Variants in ESS2 observed in about 807,000 individuals in gnomAD.
ESS2 encodes the protein ess-2 spliceosome associated protein.
Under a neutral mutation model 52.0 loss-of-function variants are expected in ESS2, and 31 were observed. The ratio of observed to expected loss-of-function variants is 0.60; its 90% CI spans 0.45 to 0.81. ESS2 has a LOEUF of 0.81. Among genes scored for constraint, ESS2 ranks in the 30% least tolerant of loss-of-function variants. The pLI, the probability that ESS2 is intolerant of heterozygous loss-of-function variation, is 0.00. For synonymous variants in ESS2, 285 were observed against 259.2 expected (o/e 1.10, Z -0.95); for missense variants, 602 against 637.2 (o/e 0.94, Z 0.59).
chr22:19,137,775 C>T, intron 7 of ESS2: 2 of 985,416 alleles, frequency 2.0e-6, no homozygotes, highest in Non-Finnish European at 2.4e-6. Context: ...TTCACATGCC[C>T]TGGCGTGTGA....
intron 3 of ESS2, among the ~76,000 whole-genome samples, chr22:19,141,097 C>T (rs1601361495): frequency 7.3e-6 from 1 of 136,360 alleles, no homozygotes; most frequent in Non-Finnish European, 1.6e-5. Flanking sequence ...GCCTGGGCAA[C>T]ATAATGAAAC....
chr22:19,137,248 C>A, intron 8 of ESS2, 75 bp downstream of exon 8: 1 of 1,124,934 alleles, frequency 8.9e-7, no homozygotes, highest in Non-Finnish European at 1.3e-6. Flanking sequence ...AGTGCTCAGT[C>A]CTGAGCCACA....
Position 19,139,737 on chromosome 22 carries a change from C to A in ESS2, c.571-8G>T, listed in dbSNP as rs1379089719. On this transcript the variant is annotated splice_region_variant and splice_polypyrimidine_tract_variant and intron_variant, in intron 4 of 9. Transcript: ENST00000252137. ...GAGATTATCTTTCTGCCTCTGCAAT[C>A]ACATGGGGAAAAGTGATGGTCAGAG... 1 of 1,614,190 alleles carries A rather than the reference C, an allele frequency of 6.2e-7. No homozygotes were observed. The highest frequency in any genetic ancestry group is 2.2e-5 in the East Asian group (1 of 44,890).
chr22:19,139,170 G>A lies in ESS2; in HGVS notation c.811C>T (p.Leu271Phe), dbSNP rs770800622. 9 of 1,597,964 alleles carry A rather than the reference G, an allele frequency of 5.6e-6. No homozygotes were observed. The Admixed American group carries it at 1.4e-4, about 25-fold the overall frequency. Residue 271 changes from leucine to phenylalanine, a missense_variant, in exon 6 of 10, where the codon CTC becomes TTC. Leu to Phe is a conservative substitution (Grantham distance 22). Transcript: ENST00000252137. ...ACCCGCCTGCTCACCTGGGCATTGA[G>A]GGCGGCTGCCTGCTGGAGCTGGCAC... is the stretch of plus-strand genomic sequence containing the variant. ...SRCQLQQAAALNAQHKQGKVG... is the reference protein window; with the variant it reads ...SRCQLQQAAAFNAQHKQGKVG...
chr22:19,130,549 C>T lies in ESS2; in HGVS notation c.*3647G>A, dbSNP rs948830609. On this transcript the variant is annotated 3_prime_UTR_variant, in exon 10 of 10. Transcript: ENST00000252137. ...TACTGTGGTACCGGAGTGATTATTT[C>T]GATTGTATCTCCTTTACAGCTTGGT... 1 of 430,870 alleles carries T rather than the reference C, an allele frequency of 2.3e-6. No individual in the cohort carries two copies. The highest frequency in any genetic ancestry group is 4.5e-6 in the Non-Finnish European group (1 of 221,018). The allele number at this position is 430,870 out of a possible 1,614,324, so 26.7% of individuals were successfully genotyped here. A position where few individuals can be genotyped will look rare whatever the true frequency, so the allele number is the denominator to read the frequency against.
Position 19,138,306 on chromosome 22 carries a change from G to T in ESS2, c.834C>A (p.Gly278=). The T allele has an allele frequency of 6.2e-7, 1 of 1,613,838 alleles. No homozygotes were observed. The highest frequency in any genetic ancestry group is 1.7e-4 in the Middle Eastern group (1 of 6,058). The change falls in exon 7 of 10, where the codon GGC becomes GGA. Residue 278 remains glycine (G), a synonymous_variant. Coordinates refer to ENST00000252137, the MANE Select transcript of ESS2 (RefSeq NM_022719.3). ...AAALNAQHKQ[G]KVGPDGKELI... is the part of the protein sequence containing the mutation. ...GCTCCTTGCCATCGGGGCCCACCTT[G>T]CCCTGTTTGTGCTGGAACAAGCAGA...
chr22:19,143,558 T>C (rs1419182171), intron 1 of ESS2, among the ~76,000 whole-genome samples: 2 of 152,170 alleles, frequency 1.3e-5, no homozygotes, highest in East Asian at 3.9e-4. Flanking sequence ...CTATTTCCAA[T>C]CTAAACCTTT....
At position 19,131,049 on chromosome 22, in the gene ESS2, T is replaced by C; in HGVS notation, c.*3147A>G. ...GACGTGGGCCGCCTCCCCTCCAGCT[T>C]GACTTGTGACAGGGAAACCAATGCA... On this transcript the variant is annotated 3_prime_UTR_variant, in exon 10 of 10. Coordinates refer to ENST00000252137, the MANE Select transcript of ESS2 (RefSeq NM_022719.3). The surrounding 1 kb of genome is among the most constrained non-coding windows in gnomAD (Gnocchi z 5.7). 1 of 255,824 alleles carries C rather than the reference T, an allele frequency of 3.9e-6. No homozygotes were observed. The highest frequency in any genetic ancestry group is 6.9e-5 in the South Asian group (1 of 14,456). 15.8% of individuals were successfully genotyped at this position (255,824 alleles called of 1,614,324 possible).
At chr22:19,135,223 C>T (rs1421607837) in intron 8 of ESS2, 48 bp from the exon 9 acceptor site, 1 of 1,485,680 alleles carries the variant, frequency 6.7e-7, no homozygotes, top group Admixed American at 1.7e-5. Context: ...CTGCCACACG[C>T]CAGGCAGCCC....
At chr22:19,139,528 A>T in intron 5 of ESS2, 84 bp downstream of exon 5, 1 of 1,400,724 alleles carries the variant, frequency 7.1e-7, no homozygotes, top group Admixed American at 1.7e-5. Context: ...GGCCATACAC[A>T]CCTGGAAGGC....
At chr22:19,141,239 C>G (rs2083681174) in intron 3 of ESS2, among the ~76,000 whole-genome samples, 1 of 152,068 alleles carries the variant, frequency 6.6e-6, no homozygotes. Flanking sequence ...GCCGAAAAAG[C>G]TGGATTGTAA....
Position 19,142,769 on chromosome 22 carries a change from A to C in ESS2, c.261T>G (p.Phe87Leu). The C allele has an allele frequency of 6.2e-7, 1 of 1,614,192 alleles. No individual in the cohort carries two copies. Among genetic ancestry groups the C allele is most frequent in the Non-Finnish European group, 8.5e-7 (1 of 1,180,036 alleles). ...LERMRQIAIK[F>L]GSALGKMSRE... ...GGGACATCTTGCCCAAGGCAGAGCCAAACTTGATGGCAATCTGGCGCATCC... is the reference window on the plus strand; with the variant it reads ...GGGACATCTTGCCCAAGGCAGAGCCCAACTTGATGGCAATCTGGCGCATCC... The change falls in exon 2 of 10, where the codon TTT becomes TTG. Residue 87 changes from phenylalanine to leucine, a missense_variant. Physicochemically the swap from Phe to Leu is conservative, Grantham distance 22. Transcript: ENST00000252137.
At chr22:19,134,528 C>T (rs887050574) in intron 9 of ESS2, 53 bp from the exon 10 acceptor site, 117 of 1,468,104 alleles carry the variant, frequency 8.0e-5, no homozygotes, top group African/African-American at 3.9e-4. Context: ...TGAGAGCTGC[C>T]GGCAGCAGGG....
In ESS2 at chr22:19,139,668, G is replaced by T. The variant is rs757472646; in HGVS notation, c.632C>A (p.Ala211Asp). ...CTTGTACTTCCAGGTCTCCACACTG[G>T]CCTGGCTGCTCTCGATGGCCTGGTG... Reference protein sequence around the residue: ...AEHQAIESSQASVETWKYKAK... With the variant: ...AEHQAIESSQDSVETWKYKAK... Residue 211 changes from alanine to aspartate, a missense_variant, in exon 5 of 10, where the codon GCC becomes GAC. By Grantham distance (126) the Ala-to-Asp change is moderately radical (BLOSUM62 -2). Transcript: ENST00000252137. 45 of 1,614,066 alleles carry T rather than the reference G, an allele frequency of 2.8e-5. No individual in the cohort carries two copies. Among genetic ancestry groups the T allele is most frequent in the Non-Finnish European group, 3.8e-5 (45 of 1,180,042 alleles).
chr22:19,136,243 T>G (rs749188683), intron 8 of ESS2, among the ~76,000 whole-genome samples: 5 of 145,774 alleles, frequency 3.4e-5, no homozygotes, highest in Non-Finnish European at 7.4e-5. Context: ...GCGCCTGTAG[T>G]CCCAGTTACT....
chr22:19,137,468 A>AG, intron 7 of ESS2, 36 bp from the exon 8 acceptor site: 2 of 1,498,576 alleles, frequency 1.3e-6, no homozygotes, highest in Non-Finnish European at 1.8e-6. Context: ...CTCAGGCCAG[A>AG]GGACTCCCCA....
Position 19,132,816 on chromosome 22 carries a change from T to A in ESS2, c.*1380A>T. On this transcript the variant is annotated 3_prime_UTR_variant, in exon 10 of 10. Coordinates refer to ENST00000252137, the MANE Select transcript of ESS2 (RefSeq NM_022719.3). The surrounding 1 kb of genome is among the most constrained non-coding windows in gnomAD (Gnocchi z 4.2). ...GACAGATGCTCAGGTACAGGCAGAA[T>A]CACAGTGTGGCCTGGCCTTGTGGGG... 3.7e-6 allele frequency: 1 copy of A among 273,922 alleles called. No homozygotes were observed. The highest frequency in any genetic ancestry group is 7.0e-6 in the Non-Finnish European group (1 of 142,334). The allele number at this position is 273,922 out of a possible 1,614,324, so 17.0% of individuals were successfully genotyped here.
intron 6 of ESS2, 192 bp from the exon 7 acceptor site, chr22:19,138,509 G>A (rs1188820342): frequency 8.5e-6 from 6 of 708,476 alleles, no homozygotes; most frequent in Non-Finnish European, 1.6e-5. Flanking sequence ...GACCTTGAGG[G>A]CCTGTCAAAG....
chr22:19,139,584 C>T, intron 5 of ESS2, 28 bp downstream of exon 5: 1 of 1,595,204 alleles, frequency 6.3e-7, no homozygotes, highest in Non-Finnish European at 8.6e-7. Flanking sequence ...CAACACCTCC[C>T]CATTTGGCTG....
Sources: gnomAD v4.1 joint callset for allele counts (sites outside exome capture counted in the v4.1 genomes callset) on GRCh38, gnomAD v4.1.1 for gene constraint, Gnocchi (gnomAD v3.1) non-coding constraint, MANE v1.5 for transcripts, NCBI Gene and HGNC (gene_info 2026-07-23, HGNC 2026-07-21) for gene names.